Variants in CUX1 observed in about 807,000 individuals in gnomAD.
The protein encoded by CUX1 is cut like homeobox 1, also known as protein CASP.
In CUX1, 31 loss-of-function variants were observed where a neutral mutation model predicts 158.8. The observed-to-expected ratio is 0.20, with a 90% CI of 0.15 to 0.26. The LOEUF (loss-of-function observed/expected upper bound fraction) is 0.26. Among genes scored for constraint, CUX1 ranks in the 10% least tolerant of loss-of-function variants. CUX1 has a pLI of 1.00. For synonymous variants in CUX1, 879 were observed against 862.1 expected (o/e 1.02, Z -0.34); for missense variants, 1,589 against 2,014.6 (o/e 0.79, Z 4.04).
intron 17 of CUX1, among the ~76,000 whole-genome samples, chr7:102,277,310 CAG>C (rs782081906): frequency 1.1e-4 from 17 of 151,794 alleles, no homozygotes; most frequent in Non-Finnish European, 2.2e-4. Context: ...AATATATAGA[CAG>C]GGGCCAGGCG....
At chr7:102,164,641 C>T (rs1470727210) in intron 9 of CUX1, among the ~76,000 whole-genome samples, 1 of 152,208 alleles carries the variant, frequency 6.6e-6, no homozygotes, top group Non-Finnish European at 1.5e-5. Context: ...GCGTGGGACA[C>T]GTGGTGGTCA....
chr7:102,174,741 C>A (rs1167059486), intron 10 of CUX1, among the ~76,000 whole-genome samples: 1 of 152,152 alleles, frequency 6.6e-6, no homozygotes, highest in East Asian at 1.9e-4. Flanking sequence ...GTCAGGAGTT[C>A]GAGACCAGCC....
intron 2 of CUX1, among the ~76,000 whole-genome samples, chr7:102,010,525 A>G (rs1383351711): frequency 2.0e-5 from 3 of 152,124 alleles, no homozygotes; most frequent in Non-Finnish European, 4.4e-5. Flanking sequence ...TCTCTTTCAT[A>G]TCAGGCAACA....
downstream of CUX1, among the ~76,000 whole-genome samples, chr7:102,261,773 G>A (rs955600944): frequency 3.9e-5 from 6 of 152,162 alleles, no homozygotes; most frequent in East Asian, 1.2e-3. Context: ...AAGAATAAAT[G>A]AGTTTAACTT....
At chr7:102,034,642 A>G (rs1282494524) in intron 3 of CUX1, among the ~76,000 whole-genome samples, 2 of 151,534 alleles carry the variant, frequency 1.3e-5, no homozygotes, top group Non-Finnish European at 2.9e-5. Context: ...AATCCTAGCT[A>G]CTCAGAAGGC....
chr7:102,220,775 TTTTA>T (rs1166971764), intron 20 of CUX1, among the ~76,000 whole-genome samples: 11 of 152,094 alleles, frequency 7.2e-5, no homozygotes, highest in Admixed American at 6.5e-4. Flanking sequence ...CCTTGATGTT[TTTTA>T]TTTGTGTTTT....
chr7:102,273,342 G>T (rs782323876), intron 14 of CUX1: 15 of 1,607,882 alleles, frequency 9.3e-6, no homozygotes, highest in Non-Finnish European at 1.3e-5. Flanking sequence ...TCCCTCTGAC[G>T]GCCATGTCTT....
chr7:102,088,121 C>T (rs1828139728), intron 4 of CUX1, among the ~76,000 whole-genome samples: 1 of 151,962 alleles, frequency 6.6e-6, no homozygotes. Flanking sequence ...ACTCAGCCTC[C>T]CCAGTAACTG....
At chr7:102,145,277 G>GATTTTTGTATTAATGTTTTGCCTCCCCA (rs1352815538) in intron 8 of CUX1, among the ~76,000 whole-genome samples, 4 of 151,938 alleles carry the variant, frequency 2.6e-5, no homozygotes, top group African/African-American at 9.7e-5. Flanking sequence ...CCACTGCTGA[G>GATTTTTGTATTAATGTTTTGCCTCCCCA]ATTTTACTGA....
At chr7:102,092,371 T>C (rs934766895) in intron 4 of CUX1, among the ~76,000 whole-genome samples, 2 of 152,146 alleles carry the variant, frequency 1.3e-5, no homozygotes, top group Admixed American at 6.5e-5. Flanking sequence ...TTGCGCTGCC[T>C]GGCATTACCA....
intron 1 of CUX1, among the ~76,000 whole-genome samples, chr7:101,836,885 C>T (rs1794697180): frequency 6.6e-6 from 1 of 152,074 alleles, no homozygotes; most frequent in African/African-American, 2.4e-5. Context: ...GTAAAAATCG[C>T]AGAGGACATG....
chr7:102,158,148 C>T (rs1346587080), intron 8 of CUX1, among the ~76,000 whole-genome samples: 1 of 152,124 alleles, frequency 6.6e-6, no homozygotes, highest in Non-Finnish European at 1.5e-5. Context: ...TCTACTCATC[C>T]TTCAAAACCC....
intron 20 of CUX1, among the ~76,000 whole-genome samples, chr7:102,224,894 G>A (rs1334701007): frequency 6.6e-6 from 1 of 152,186 alleles, no homozygotes; most frequent in Non-Finnish European, 1.5e-5. Flanking sequence ...AAAACCTGAA[G>A]AGAAATCTGT....
chr7:101,966,616 T>A (rs1563070939), intron 2 of CUX1, among the ~76,000 whole-genome samples: 1 of 152,100 alleles, frequency 6.6e-6, no homozygotes, highest in African/African-American at 2.4e-5. Context: ...TGGGTGGGAA[T>A]GTCCTAGGTG....
chr7:102,023,952 A>G (rs1158847357), intron 2 of CUX1, among the ~76,000 whole-genome samples: 1 of 152,238 alleles, frequency 6.6e-6, no homozygotes, highest in Non-Finnish European at 1.5e-5. Context: ...AAATACATGG[A>G]TAGGGTGAGA....
At position 101,870,135 on chromosome 7, in the gene CUX1, A is replaced by G. The variant is rs1172862822; in HGVS notation, c.31-45980A>G. Among the ~76,000 whole-genome samples, 3 of 130,106 alleles carry G rather than the reference A, an allele frequency of 2.3e-5. No homozygotes were observed. In the Admixed American group the frequency reaches 2.4e-4, roughly 10 times the overall value. 85.4% of individuals were successfully genotyped at this position (130,106 alleles called of 152,430 possible). ...AGCTTGTGAGGCCATGCAGGCCCTG[A>G]TGTTTAGTGTTTTTTTTGTTTTTTT... On this transcript the variant is annotated intron_variant, in intron 1 of 23. Coordinates refer to ENST00000292535, the MANE Select transcript of CUX1 (RefSeq NM_181552.4).
intron 3 of CUX1, among the ~76,000 whole-genome samples, chr7:102,032,790 T>C (rs1337902806): frequency 3.3e-5 from 5 of 152,248 alleles, no homozygotes; most frequent in Non-Finnish European, 1.5e-5. Flanking sequence ...TGATTGATTA[T>C]GATACCTAAT....
At chr7:102,274,791 A>C (rs556210529) in intron 16 of CUX1, among the ~76,000 whole-genome samples, 76 of 152,356 alleles carry the variant, frequency 5.0e-4, no homozygotes, top group South Asian at 1.4e-3. Flanking sequence ...AGTGAGGGGA[A>C]GGCAGCCTCC....
chr7:101,828,672 G>T (rs879461667), intron 1 of CUX1, among the ~76,000 whole-genome samples: 1 of 150,860 alleles, frequency 6.6e-6, no homozygotes, highest in Non-Finnish European at 1.5e-5. Context: ...CTCCAGGTCG[G>T]CCCCATTTCA....
Sources: gnomAD v4.1 joint callset for allele counts (sites outside exome capture counted in the v4.1 genomes callset) on GRCh38, gnomAD v4.1.1 for gene constraint, MANE v1.5 for transcripts, NCBI Gene and HGNC (gene_info 2026-07-23, HGNC 2026-07-21) for gene names.